The following TMEM117 variants were observed in gnomAD, a reference collection of about 807,000 sequenced individuals.
The protein encoded by TMEM117 is transmembrane protein 117.
TMEM117 carries 27 observed loss-of-function variants against 52.4 expected under a neutral mutation model. That is an observed-to-expected ratio of 0.51 (90% CI 0.38 to 0.71). The LOEUF (loss-of-function observed/expected upper bound fraction) is 0.71, where lower values mean the gene tolerates loss of function less well. TMEM117 is among the 30% of genes least tolerant of loss of function. The pLI is 0.00. For missense variants in TMEM117, 556 were observed against 630.5 expected (o/e 0.88, Z 1.26); for synonymous variants, 215 against 206.3 (o/e 1.04, Z -0.36).
chr12:43,876,243 C>G (rs1943792808), intron 2 of TMEM117, among the ~76,000 whole-genome samples: 1 of 152,088 alleles, frequency 6.6e-6, no homozygotes, highest in South Asian at 2.1e-4. Context: ...TAGGATTGTT[C>G]AGGTGTGGTG....
chr12:43,841,781 C>G (rs572122687), intron 1 of TMEM117, among the ~76,000 whole-genome samples: 4 of 152,046 alleles, frequency 2.6e-5, no homozygotes, highest in Non-Finnish European at 5.9e-5. Flanking sequence ...TGACTTTGGG[C>G]CAGTTACAAA....
At chr12:43,923,977 G>GA (rs1443068957) in intron 2 of TMEM117, among the ~76,000 whole-genome samples, 1 of 152,146 alleles carries the variant, frequency 6.6e-6, no homozygotes, top group African/African-American at 2.4e-5. Context: ...TGTTAGAATA[G>GA]TGGCTAAGTA....
chr12:43,841,545 T>G (rs1331356311), intron 1 of TMEM117, among the ~76,000 whole-genome samples: 1 of 152,220 alleles, frequency 6.6e-6, no homozygotes, highest in Non-Finnish European at 1.5e-5. Flanking sequence ...AGAAATTTTT[T>G]GAATGTTCTA....
In TMEM117 at chr12:44,221,899, A is replaced by G. The variant is rs535659060; in HGVS notation, c.608+10512A>G. On this transcript the variant is annotated intron_variant, in intron 5 of 7. Transcript: ENST00000266534. ...TTTTTAGTAGAGACGGGATTTCACC[A>G]TGTTGGCCAGGCTGGTCTCGAACTC... Among the ~76,000 whole-genome samples, 19 of 152,060 alleles carry G rather than the reference A, an allele frequency of 1.2e-4. No individual in the cohort carries two copies. In the South Asian group the frequency reaches 3.9e-3, roughly 32 times the overall value.
At chr12:43,805,416 G>A in the TMEM117 span, 2 of 382,928 alleles carry the variant, frequency 5.2e-6, no homozygotes, top group South Asian at 3.8e-5. Context: ...TGTTCATCTG[G>A]GAGAAAGACT....
chr12:44,056,965 C>A (rs1037585947), intron 3 of TMEM117, among the ~76,000 whole-genome samples: 2 of 152,134 alleles, frequency 1.3e-5, no homozygotes, highest in African/African-American at 4.8e-5. Context: ...TACCTGAGCT[C>A]TGATCACAGC....
intron 6 of TMEM117, among the ~76,000 whole-genome samples, chr12:44,320,175 C>CA (rs1260588958): frequency 6.6e-6 from 1 of 152,126 alleles, no homozygotes; most frequent in Non-Finnish European, 1.5e-5. Context: ...TCACTCACAC[C>CA]AAAAAACCTT....
intron 1 of TMEM117, among the ~76,000 whole-genome samples, chr12:43,841,321 G>A (rs1943112365): frequency 6.6e-6 from 1 of 152,148 alleles, no homozygotes; most frequent in Admixed American, 6.6e-5. Context: ...TGTAAGTCTG[G>A]ATTCAAATCC....
intron 3 of TMEM117, among the ~76,000 whole-genome samples, chr12:44,071,749 T>C (rs767292488): frequency 7.2e-5 from 11 of 152,176 alleles, no homozygotes; most frequent in Non-Finnish European, 1.2e-4. Flanking sequence ...ATTTCACAGA[T>C]AGGTAATATC....
At chr12:44,173,419 C>T (rs1949076308) in intron 4 of TMEM117, among the ~76,000 whole-genome samples, 1 of 152,018 alleles carries the variant, frequency 6.6e-6, no homozygotes, top group African/African-American at 2.4e-5. Flanking sequence ...CTTCATTTTA[C>T]TGAGGATATA....
intron 3 of TMEM117, among the ~76,000 whole-genome samples, chr12:44,098,944 A>G (rs974701278): frequency 6.6e-6 from 1 of 152,062 alleles, no homozygotes; most frequent in Admixed American, 6.6e-5. Context: ...TGCCTCAGGT[A>G]TGGCTGGCAA....
Position 44,295,244 on chromosome 12 carries a change from C to T in TMEM117, c.609-4336C>T, listed in dbSNP as rs1043612158. ...TTTGAGACAGGGTCTTGCTCTGTCA[C>T]CCAGACTGGAGTTGAGTGGTGTGAT... On this transcript the variant is annotated intron_variant, in intron 5 of 7. Coordinates refer to ENST00000266534, the MANE Select transcript of TMEM117 (RefSeq NM_032256.3). 7.2e-5 allele frequency among the ~76,000 whole-genome samples: 11 copies of T among 152,112 alleles called. No individual in the cohort carries two copies. In the East Asian group the frequency reaches 1.9e-3, roughly 27 times the overall value.
chr12:44,273,765 T>C (rs1024118178), intron 5 of TMEM117, among the ~76,000 whole-genome samples: 12 of 152,068 alleles, frequency 7.9e-5, no homozygotes, highest in Admixed American at 7.2e-4. Flanking sequence ...AAATTCAACA[T>C]TCCTTTATGA....
chr12:44,378,775 T>C (rs1019706584), intron 7 of TMEM117, among the ~76,000 whole-genome samples: 1 of 152,176 alleles, frequency 6.6e-6, no homozygotes, highest in Non-Finnish European at 1.5e-5. Context: ...GTTTCATTAC[T>C]AATGTTTTGA....
chr12:44,010,829 A>T (rs1391246819), intron 3 of TMEM117, among the ~76,000 whole-genome samples: 2 of 152,172 alleles, frequency 1.3e-5, no homozygotes, highest in Non-Finnish European at 2.9e-5. Context: ...CATTCATTTT[A>T]CTTATACAAA....
At chr12:44,285,168 C>G (rs772003736) in intron 5 of TMEM117, among the ~76,000 whole-genome samples, 10 of 152,160 alleles carry the variant, frequency 6.6e-5, no homozygotes, top group Non-Finnish European at 1.0e-4. Flanking sequence ...GTATTTTTTT[C>G]AGCCACCTCT....
At chr12:43,814,188 C>T in the TMEM117 span, among the ~76,000 whole-genome samples, 1,994 of 152,212 alleles carry the variant, frequency 0.013, 37 homozygotes, top group African/African-American at 0.045. Context: ...TTTGAGTACA[C>T]ATCAGAGAAG....
At chr12:44,116,119 CAG>C (rs1451477914) in intron 3 of TMEM117, among the ~76,000 whole-genome samples, 3 of 152,318 alleles carry the variant, frequency 2.0e-5, no homozygotes, top group Admixed American at 1.3e-4. Context: ...TTAAATTTAA[CAG>C]ATATATTTCA....
At chr12:44,288,051 C>G (rs984130110) in intron 5 of TMEM117, among the ~76,000 whole-genome samples, 2 of 152,176 alleles carry the variant, frequency 1.3e-5, no homozygotes, top group South Asian at 4.1e-4. Flanking sequence ...TATGACCTAA[C>G]TAACTGAGCC....
Sources: gnomAD v4.1 joint callset for allele counts (sites outside exome capture counted in the v4.1 genomes callset) on GRCh38, gnomAD v4.1.1 for gene constraint, MANE v1.5 for transcripts, NCBI Gene and HGNC (gene_info 2026-07-23, HGNC 2026-07-21) for gene names.